Variants in CERK observed in about 807,000 individuals in gnomAD.
CERK encodes ceramide kinase, also known as acylsphingosine kinase.
A neutral mutation model predicts 63.4 loss-of-function variants in CERK; 39 were observed. The observed-to-expected ratio is 0.61, with a 90% CI of 0.48 to 0.80. The LOEUF (loss-of-function observed/expected upper bound fraction) is 0.80, where lower values mean the gene tolerates loss of function less well. Among genes scored for constraint, CERK ranks in the 30% least tolerant of loss-of-function variants. CERK has a pLI of 0.00. For synonymous variants in CERK, 302 were observed against 280.0 expected (o/e 1.08, Z -0.78); for missense variants, 670 against 714.1 (o/e 0.94, Z 0.70).
intron 3 of CERK, among the ~76,000 whole-genome samples, chr22:46,713,279 C>T (rs1041179955): frequency 6.0e-5 from 9 of 151,194 alleles, no homozygotes; most frequent in African/African-American, 1.9e-4. Flanking sequence ...CCGAGGTGGG[C>T]GGATCACGAG....
intron 8 of CERK, among the ~76,000 whole-genome samples, chr22:46,696,842 G>A (rs187242535): frequency 2.0e-5 from 3 of 152,122 alleles, no homozygotes; most frequent in African/African-American, 4.8e-5. Flanking sequence ...GAGGGCAAAG[G>A]GGGGGGCCAG....
rs2082845010 is a variant in CERK at position 46,712,262 on chromosome 22, G to A, written c.411C>T (p.Ile137=). ...CTTGTCCTTTTCCTCCAAACGGGTT[G>A]ATAAATACCAGTAAATGCTTTGGTC... The part of the protein sequence containing the change: ...TSRPKHLLVF[I]NPFGGKGQGK... The change falls in exon 4 of 13, where the codon ATC becomes ATT. Residue 137 remains isoleucine, a synonymous_variant. Transcript: ENST00000216264. 6.2e-7 allele frequency: 1 copy of A among 1,613,796 alleles called. No individual in the cohort carries two copies. Among genetic ancestry groups the A allele is most frequent in the Non-Finnish European group, 8.5e-7 (1 of 1,179,828 alleles).
Position 46,684,719 on chromosome 22 carries a change from T to TC in CERK, c.*2414dup, listed in dbSNP as rs1555981426. 1 of 152,042 alleles carries TC rather than the reference T, an allele frequency of 6.6e-6. No individual in the cohort carries two copies. Among genetic ancestry groups the TC allele is most frequent in the Non-Finnish European group, 1.5e-5 (1 of 68,012 alleles). The allele number at this position is 152,042 out of a possible 1,614,324, so 9.4% of individuals were successfully genotyped here. A position where few individuals can be genotyped will look rare whatever the true frequency, so the allele number is the denominator to read the frequency against. On this transcript the variant is annotated 3_prime_UTR_variant, in exon 13 of 13. Coordinates refer to ENST00000216264, the MANE Select transcript of CERK (RefSeq NM_022766.6). ...TCTAACCAGCACTTCTGATTTTTTT[T>TC]CCCTTAAAACTCTAAAGTACAGGTG...
chr22:46,699,315 G>A lies in CERK; in HGVS notation c.941C>T (p.Ser314Leu), dbSNP rs1354271841. The A allele has an allele frequency of 1.2e-6, 2 of 1,614,104 alleles. No individual in the cohort carries two copies. Among genetic ancestry groups the A allele is most frequent in the Non-Finnish European group, 1.7e-6 (2 of 1,179,966 alleles). ...RWLGLARYDFSGLKTFLSHHC... is the reference protein window; with the variant it reads ...RWLGLARYDFLGLKTFLSHHC... ...GAGTCTGCATTATTCTGAGTTACCT[G>A]AAAAGTCGTATCTGGCAAGACCCAA... Residue 314 changes from serine to leucine, a missense_variant and splice_region_variant, in exon 8 of 13, where the codon TCA (serine) becomes TTA (leucine). Coordinates refer to ENST00000216264, the MANE Select transcript of CERK (RefSeq NM_022766.6).
At chr22:46,691,240 T>G (rs1487397361) in intron 11 of CERK, among the ~76,000 whole-genome samples, 1 of 151,996 alleles carries the variant, frequency 6.6e-6, no homozygotes, top group Non-Finnish European at 1.5e-5. Context: ...ACGCCTGGCT[T>G]TTTTGTATTT....
chr22:46,701,612 C>A (rs367813334), intron 7 of CERK, 24 bp downstream of exon 7: 3 of 1,548,146 alleles, frequency 1.9e-6, no homozygotes, highest in Non-Finnish European at 2.6e-6. Flanking sequence ...TGCCACCGTG[C>A]GCATGCGCAG....
chr22:46,688,450 G>A (rs1010009859), intron 12 of CERK, among the ~76,000 whole-genome samples: 5 of 152,184 alleles, frequency 3.3e-5, no homozygotes, highest in Non-Finnish European at 5.9e-5. Flanking sequence ...CCCTGTGCAC[G>A]GCTGCCTGGG....
intron 1 of CERK, among the ~76,000 whole-genome samples, chr22:46,732,173 G>A (rs2082948708): frequency 6.6e-6 from 1 of 152,152 alleles, no homozygotes; most frequent in African/African-American, 2.4e-5. Flanking sequence ...CCAGCAGGCG[G>A]TGAGGGTGGG....
chr22:46,699,177 T>A (rs1033153956), intron 8 of CERK, 136 bp downstream of exon 8: 1 of 893,178 alleles, frequency 1.1e-6, no homozygotes, highest in Non-Finnish European at 1.8e-6. Flanking sequence ...GCACATTTCA[T>A]GAGGCCCTTA....
intron 1 of CERK, among the ~76,000 whole-genome samples, chr22:46,725,316 G>A (rs760504155): frequency 1.1e-4 from 16 of 152,074 alleles, no homozygotes; most frequent in Non-Finnish European, 1.8e-4. Context: ...ACTTGCCAGC[G>A]TCCACCGGTT....
chr22:46,718,845 A>G (rs9615404), intron 3 of CERK, among the ~76,000 whole-genome samples: 25,295 of 152,018 alleles, frequency 0.17, 3,249 homozygotes, highest in African/African-American at 0.36. Flanking sequence ...AGGCTAAGGT[A>G]GGAAGATGGC....
intron 10 of CERK, among the ~76,000 whole-genome samples, chr22:46,692,117 C>CT (rs1165690126): frequency 6.6e-6 from 1 of 152,166 alleles, no homozygotes; most frequent in Non-Finnish European, 1.5e-5. Flanking sequence ...GCTAAGAATG[C>CT]TTTTCACGTT....
intron 10 of CERK, among the ~76,000 whole-genome samples, chr22:46,692,770 T>TG (rs2082737791): frequency 1.3e-5 from 2 of 151,282 alleles, no homozygotes; most frequent in African/African-American, 4.8e-5. Flanking sequence ...CTGGGCATGG[T>TG]GGCACATGCC....
intron 1 of CERK, among the ~76,000 whole-genome samples, chr22:46,722,186 A>G (rs909937152): frequency 6.6e-6 from 1 of 152,004 alleles, no homozygotes; most frequent in Admixed American, 6.5e-5. Flanking sequence ...AAAATACCGT[A>G]TTTTTGCCGT....
At chr22:46,732,830 C>T (rs1316515479) in intron 1 of CERK, among the ~76,000 whole-genome samples, 2 of 152,138 alleles carry the variant, frequency 1.3e-5, no homozygotes, top group South Asian at 2.1e-4. Context: ...TTCCGTGAAT[C>T]GCCTACTTAT....
At chr22:46,703,642 C>A (rs1329932799) in intron 6 of CERK, among the ~76,000 whole-genome samples, 2 of 152,206 alleles carry the variant, frequency 1.3e-5, no homozygotes, top group Admixed American at 6.5e-5. Context: ...CACAGCCCCC[C>A]ACCAGCTACA....
At chr22:46,736,438 C>A (rs896627411) in intron 1 of CERK, among the ~76,000 whole-genome samples, 12 of 152,182 alleles carry the variant, frequency 7.9e-5, no homozygotes, top group African/African-American at 2.7e-4. Context: ...TCGGCCCCTG[C>A]ATCCCTAGGA....
At chr22:46,724,367 G>A (rs1230292310) in intron 1 of CERK, among the ~76,000 whole-genome samples, 1 of 152,178 alleles carries the variant, frequency 6.6e-6, no homozygotes, top group Non-Finnish European at 1.5e-5. Context: ...TTAAGTGCTG[G>A]GGGAGTCAAA....
chr22:46,706,437 T>G (rs984486589), intron 6 of CERK, among the ~76,000 whole-genome samples: 2 of 152,024 alleles, frequency 1.3e-5, no homozygotes, highest in African/African-American at 4.8e-5. Flanking sequence ...ATGCTTTGGT[T>G]TATCTGAGAG....
Sources: allele counts gnomAD v4.1 joint callset (sites outside exome capture counted in the v4.1 genomes callset), GRCh38; gene constraint gnomAD v4.1.1; transcripts MANE v1.5; gene names NCBI Gene and HGNC (gene_info 2026-07-23, HGNC 2026-07-21).